The following NAV3 variants were observed in gnomAD, a reference collection of about 807,000 sequenced individuals.
NAV3 encodes the protein neuron navigator 3, also known as pore membrane and/or filament interacting like protein 1.
NAV3 carries 87 observed loss-of-function variants against 244.7 expected under a neutral mutation model. That is an observed-to-expected ratio of 0.36 (90% CI 0.30 to 0.42). The LOEUF (loss-of-function observed/expected upper bound fraction) is 0.42, where lower values mean the gene tolerates loss of function less well. Among genes scored for constraint, NAV3 ranks in the 20% least tolerant of loss-of-function variants. NAV3 has a pLI of 1.00. For missense variants in NAV3, 2,663 were observed against 2,893.3 expected, an observed-to-expected ratio of 0.92 and a Z score of 1.83; for synonymous variants, 1,126 against 1,042.2, an observed-to-expected ratio of 1.08 and a Z score of -1.55.
chr12:77,977,489 TG>T (rs11349461), intron 5 of NAV3, among the ~76,000 whole-genome samples: 56,650 of 151,834 alleles, frequency 0.37, 11,347 homozygotes, highest in Non-Finnish European at 0.44. Context: ...TTGTAAAACC[TG>T]GATATTAAAA....
chr12:78,012,389 T>G (rs1875456329), intron 8 of NAV3, among the ~76,000 whole-genome samples: 1 of 152,052 alleles, frequency 6.6e-6, no homozygotes, highest in Admixed American at 6.6e-5. Context: ...GTAAATCATA[T>G]ATCTTATTCT....
intron 1 of NAV3, among the ~76,000 whole-genome samples, chr12:77,837,583 C>A (rs1874884194): frequency 6.6e-6 from 1 of 152,052 alleles, no homozygotes; most frequent in Non-Finnish European, 1.5e-5. Context: ...GCCAATATCT[C>A]AATGCGAGAA....
intron 2 of NAV3, among the ~76,000 whole-genome samples, chr12:77,602,743 C>T (rs1870496082): frequency 6.6e-6 from 1 of 151,994 alleles, no homozygotes; most frequent in Non-Finnish European, 1.5e-5. Flanking sequence ...GCATAAATTA[C>T]CATGCCCATA....
intron 18 of NAV3, among the ~76,000 whole-genome samples, chr12:78,135,366 A>G (rs1956329453): frequency 6.6e-6 from 1 of 152,228 alleles, no homozygotes; most frequent in Non-Finnish European, 1.5e-5. Flanking sequence ...TGCAGAAGCT[A>G]TCAAAAGGGT....
intron 3 of NAV3, among the ~76,000 whole-genome samples, chr12:77,952,709 C>T (rs1475246585): frequency 6.6e-6 from 1 of 152,074 alleles, no homozygotes; most frequent in Non-Finnish European, 1.5e-5. Flanking sequence ...CTGCTTCTCC[C>T]TTCCCTATGC....
exon 2 of NAV3, chr12:77,572,187 C>CT (rs766236500): frequency 2.6e-5 from 4 of 154,204 alleles, no homozygotes; most frequent in Non-Finnish European, 4.4e-5. Context: ...GGGCAAGAAC[C>CT]TAATGTGATG....
chr12:77,874,478 T>C lies in NAV3; in HGVS notation c.243+42774T>C, dbSNP rs189661497. ...TTCCTGCCTCAGCCTCTCAAAGTAC[T>C]GGGATTACAGGCATGATTCAGTATG... On this transcript the variant is annotated intron_variant, in intron 1 of 39. Coordinates refer to ENST00000397909, the MANE Select transcript of NAV3 (RefSeq NM_001024383.2). 3.2e-3 allele frequency among the ~76,000 whole-genome samples: 488 copies of C among 152,262 alleles called. 1 individual carries two copies. The highest frequency in any genetic ancestry group is 0.011 in the African/African-American group (471 of 41,546).
chr12:77,861,946 C>CT (rs911536460), intron 1 of NAV3, among the ~76,000 whole-genome samples: 15 of 151,742 alleles, frequency 9.9e-5, no homozygotes, highest in South Asian at 6.2e-4. Flanking sequence ...ATTGATATAG[C>CT]TTTTTTGTCT....
chr12:77,708,007 T>C (rs1461228659), intron 2 of NAV3, among the ~76,000 whole-genome samples: 1 of 152,200 alleles, frequency 6.6e-6, no homozygotes, highest in African/African-American at 2.4e-5. Context: ...ATTCTGTAGG[T>C]TGCCTGTTCA....
chr12:77,802,219 T>G (rs866635714), intron 2 of NAV3, among the ~76,000 whole-genome samples: 8 of 152,214 alleles, frequency 5.3e-5, no homozygotes, highest in African/African-American at 1.4e-4. Flanking sequence ...TGGTATATAT[T>G]GTATATATCA....
At chr12:77,893,896 C>T (rs564394328) in intron 1 of NAV3, among the ~76,000 whole-genome samples, 1 of 152,148 alleles carries the variant, frequency 6.6e-6, no homozygotes, top group Non-Finnish European at 1.5e-5. Flanking sequence ...TCTCCTCTAT[C>T]GAGTTACACT....
At chr12:77,976,282 A>G (rs1406030165) in intron 5 of NAV3, among the ~76,000 whole-genome samples, 1 of 152,192 alleles carries the variant, frequency 6.6e-6, no homozygotes, top group Admixed American at 6.5e-5. Context: ...GAGCCTATAG[A>G]TAAAAATCAT....
At chr12:78,055,838 A>C (rs1182665252) in intron 11 of NAV3, among the ~76,000 whole-genome samples, 1 of 152,154 alleles carries the variant, frequency 6.6e-6, no homozygotes, top group Non-Finnish European at 1.5e-5. Flanking sequence ...CCAGGAGGAG[A>C]GGGAAATTGG....
intron 2 of NAV3, among the ~76,000 whole-genome samples, chr12:77,592,803 C>G (rs1869970908): frequency 6.6e-6 from 1 of 152,162 alleles, no homozygotes; most frequent in African/African-American, 2.4e-5. Flanking sequence ...CTGAATTTGT[C>G]CTACATTTAT....
At chr12:77,661,627 C>T (rs1324889482) in intron 2 of NAV3, among the ~76,000 whole-genome samples, 1 of 152,004 alleles carries the variant, frequency 6.6e-6, no homozygotes, top group East Asian at 1.9e-4. Context: ...TGCTTAATGC[C>T]AGGCCCCCCA....
intron 1 of NAV3, among the ~76,000 whole-genome samples, chr12:77,900,046 T>C (rs1367247805): frequency 6.6e-6 from 1 of 151,690 alleles, no homozygotes; most frequent in Non-Finnish European, 1.5e-5. Flanking sequence ...CTCTCCTCTC[T>C]CTAGTGGTCC....
At chr12:78,152,029 C>G (rs944616712) in intron 22 of NAV3, among the ~76,000 whole-genome samples, 6 of 151,424 alleles carry the variant, frequency 4.0e-5, no homozygotes, top group African/African-American at 9.7e-5. Flanking sequence ...AGATCTACGA[C>G]AGTTCTTTTG....
At chr12:78,080,296 G>C (rs1953282354) in intron 12 of NAV3, among the ~76,000 whole-genome samples, 1 of 152,142 alleles carries the variant, frequency 6.6e-6, no homozygotes, top group Non-Finnish European at 1.5e-5. Flanking sequence ...AGAACAGAAA[G>C]ACTAGGTCAA....
chr12:77,744,714 C>T (rs978273246), intron 2 of NAV3, among the ~76,000 whole-genome samples: 3 of 151,472 alleles, frequency 2.0e-5, no homozygotes, highest in Admixed American at 1.3e-4. Flanking sequence ...TCAAACCTCC[C>T]GTAATGTTCT....
Sources: allele counts gnomAD v4.1 joint callset (sites outside exome capture counted in the v4.1 genomes callset), GRCh38; gene constraint gnomAD v4.1.1; transcripts MANE v1.5; gene names NCBI Gene and HGNC (gene_info 2026-07-23, HGNC 2026-07-21).